Variants in KCNMA1 observed in about 807,000 individuals in gnomAD.
The protein encoded by KCNMA1 is Calcium-activated potassium channel subunit alpha-1.
In KCNMA1, 29 loss-of-function variants were observed where a neutral mutation model predicts 140.0. The ratio of observed to expected loss-of-function variants is 0.21; its 90% confidence interval spans 0.15 to 0.28. The LOEUF (loss-of-function observed/expected upper bound fraction) is 0.28. KCNMA1 is among the 10% of genes least tolerant of loss of function. The pLI, the probability that KCNMA1 is intolerant of heterozygous loss-of-function variation, is 1.00. For missense variants in KCNMA1, 880 were observed against 1,602.2 expected (o/e 0.55, Z 7.70); for synonymous variants, 612 against 611.9 (o/e 1.00, Z 0.00).
chr10:77,190,418 C>G (rs1245076229), intron 3 of KCNMA1, among the ~76,000 whole-genome samples: 2 of 152,172 alleles, frequency 1.3e-5, no homozygotes, highest in East Asian at 3.9e-4. Context: ...GACCCTGCAG[C>G]TATGTGGTAG....
chr10:77,351,491 C>A (rs972216881), intron 2 of KCNMA1, among the ~76,000 whole-genome samples: 29 of 152,346 alleles, frequency 1.9e-4, no homozygotes, highest in Admixed American at 1.8e-3. Context: ...AAGCCCATTT[C>A]AGCAGCATGT....
chr10:76,949,613 T>C, intron 21 of KCNMA1: 1 of 554,114 alleles, frequency 1.8e-6, no homozygotes, highest in East Asian at 3.0e-5. Flanking sequence ...CTACCTTCTT[T>C]GACAAAAGAT....
At chr10:77,567,706 A>G (rs2068888127) in intron 1 of KCNMA1, among the ~76,000 whole-genome samples, 2 of 152,236 alleles carry the variant, frequency 1.3e-5, no homozygotes, top group South Asian at 2.1e-4. Context: ...TGACACAGCC[A>G]TTAAGTGAAA....
rs7098832 is a variant in KCNMA1 at position 77,396,023 on chromosome 10, A to T, written c.540+7839T>A. 7.1e-3 allele frequency among the ~76,000 whole-genome samples: 1,078 copies of T among 152,340 alleles called. 15 individuals are homozygous for T. Among genetic ancestry groups the T allele is most frequent in the African/African-American group, 0.025 (1,024 of 41,572 alleles). ...CTGATACCCATAATGTGATTTCAGT[A>T]TCTATGCATGGGATGAAATACAGAA... On this transcript the variant is annotated intron_variant, in intron 2 of 27. Transcript: ENST00000286628.
rs1424356195 is a variant in KCNMA1 at position 77,108,088 on chromosome 10, C to T, written c.1223+393G>A. 5.9e-5 allele frequency among the ~76,000 whole-genome samples: 9 copies of T among 152,138 alleles called. No homozygotes were observed. ...CTTTCAGGATAAATTCATTACATCT[C>T]TTGGAATTTGTGAATGGGAGTTGGT... is the stretch of plus-strand genomic sequence containing the variant. On this transcript the variant is annotated intron_variant, in intron 9 of 27. Transcript: ENST00000286628. This position sits in a 1 kb window ranked among gnomAD's most constrained non-coding sequence, Gnocchi z 4.6.
intron 2 of KCNMA1, among the ~76,000 whole-genome samples, chr10:77,278,422 T>A (rs1398238237): frequency 6.6e-6 from 1 of 152,138 alleles, no homozygotes; most frequent in Non-Finnish European, 1.5e-5. Flanking sequence ...AGATAATCTA[T>A]CAAAAGTAAG....
At chr10:76,937,448 G>C (rs1402615821) in intron 23 of KCNMA1, among the ~76,000 whole-genome samples, 1 of 152,186 alleles carries the variant, frequency 6.6e-6, no homozygotes, top group Non-Finnish European at 1.5e-5. Flanking sequence ...CTGCTCAAAA[G>C]AAATGATGCT....
intron 1 of KCNMA1, among the ~76,000 whole-genome samples, chr10:77,499,273 A>T (rs1367392561): frequency 1.3e-5 from 2 of 152,200 alleles, no homozygotes; most frequent in Non-Finnish European, 2.9e-5. Flanking sequence ...CAGATTATAC[A>T]AAAAGATGAC....
intron 5 of KCNMA1, among the ~76,000 whole-genome samples, chr10:77,134,700 T>C (rs1384238746): frequency 6.6e-6 from 1 of 151,798 alleles, no homozygotes; most frequent in Non-Finnish European, 1.5e-5. Context: ...AAAGAAAGAA[T>C]CAACCGAGTG....
At chr10:76,901,394 AAC>A (rs755180117) in intron 25 of KCNMA1, 3 of 152,160 alleles carry the variant, frequency 2.0e-5, no homozygotes, top group Non-Finnish European at 1.5e-5. Flanking sequence ...TTCTAATAAA[AAC>A]ACAGTCAATT....
chr10:76,982,328 GAA>G lies in KCNMA1; in HGVS notation c.2267-12263_2267-12262del, dbSNP rs11317483. Among the ~76,000 whole-genome samples, 476 of 144,334 alleles carry G rather than the reference GAA, an allele frequency of 3.3e-3. 5 individuals are homozygous for G. The highest frequency in any genetic ancestry group is 7.1e-3 in the African/African-American group (275 of 38,884). The allele number at this position is 144,334 out of a possible 152,430, so 94.7% of individuals were successfully genotyped here. A position where few individuals can be genotyped will look rare whatever the true frequency, so the allele number is the denominator to read the frequency against. ...AAGTCCTAGAGAGAGAATTGTTCAG[GAA>G]AAAAAAAAAAAAAGAAAGGAAGAAA... On this transcript the variant is annotated intron_variant, in intron 19 of 27. Transcript: ENST00000286628.
At chr10:77,244,210 TGAG>T (rs2154239967) in intron 3 of KCNMA1, among the ~76,000 whole-genome samples, 1 of 152,318 alleles carries the variant, frequency 6.6e-6, no homozygotes, top group African/African-American at 2.4e-5. Context: ...CGGATGACCT[TGAG>T]GAGGTCCCTC....
At chr10:77,262,047 A>C (rs1473227081) in intron 2 of KCNMA1, among the ~76,000 whole-genome samples, 1 of 152,194 alleles carries the variant, frequency 6.6e-6, no homozygotes, top group Non-Finnish European at 1.5e-5. Flanking sequence ...CTACTTCTCA[A>C]ACCCTGCCAG....
At chr10:77,323,880 T>C (rs756629285) in intron 2 of KCNMA1, among the ~76,000 whole-genome samples, 3 of 152,142 alleles carry the variant, frequency 2.0e-5, no homozygotes, top group Admixed American at 6.5e-5. Context: ...CATAAAGATA[T>C]AGAACCATCC....
intron 1 of KCNMA1, among the ~76,000 whole-genome samples, chr10:77,536,431 C>T (rs1034218093): frequency 5.3e-5 from 8 of 152,204 alleles, no homozygotes; most frequent in African/African-American, 1.9e-4. Flanking sequence ...CCTCACTTCA[C>T]TGATCTTCAA....
intron 23 of KCNMA1, among the ~76,000 whole-genome samples, chr10:76,916,551 C>T (rs1050444599): frequency 2.0e-4 from 30 of 152,226 alleles, no homozygotes; most frequent in African/African-American, 6.8e-4. Flanking sequence ...AGATGATAGG[C>T]AAGCATTCAC....
At chr10:77,181,967 C>T (rs549956191) in intron 5 of KCNMA1, among the ~76,000 whole-genome samples, 1 of 151,990 alleles carries the variant, frequency 6.6e-6, no homozygotes, top group East Asian at 1.9e-4. Flanking sequence ...ATAGAGATTA[C>T]CACACATACT....
At chr10:77,484,115 T>C (rs1338773594) in intron 1 of KCNMA1, among the ~76,000 whole-genome samples, 1 of 152,210 alleles carries the variant, frequency 6.6e-6, no homozygotes, top group Non-Finnish European at 1.5e-5. Flanking sequence ...TTCTCCTCTC[T>C]CATTTACTAT....
At chr10:77,527,585 C>A (rs1567342015) in intron 1 of KCNMA1, among the ~76,000 whole-genome samples, 2 of 152,164 alleles carry the variant, frequency 1.3e-5, no homozygotes, top group South Asian at 4.1e-4. Context: ...CTGAAGGAGG[C>A]CTCTCTGTCT....
Sources: allele counts gnomAD v4.1 joint callset (sites outside exome capture counted in the v4.1 genomes callset), GRCh38; gene constraint gnomAD v4.1.1; non-coding constraint Gnocchi (gnomAD v3.1); transcripts MANE v1.5; gene names NCBI Gene and HGNC (gene_info 2026-07-23, HGNC 2026-07-21).